NOS2: variants seen among roughly 807,000 people sequenced by gnomAD.
The protein encoded by NOS2 is nitric oxide synthase 2, also known as nitric oxide synthase, inducible.
A neutral mutation model predicts 136.0 loss-of-function variants in NOS2; 96 were observed. The ratio of observed to expected loss-of-function variants is 0.71; its 90% CI spans 0.60 to 0.84. The LOEUF (loss-of-function observed/expected upper bound fraction) is 0.84, where lower values mean the gene tolerates loss of function less well. NOS2 is among the 40% of genes least tolerant of loss of function. NOS2 has a pLI of 0.00. For missense variants in NOS2, 1,237 were observed against 1,496.9 expected (o/e 0.83, Z 2.87); for synonymous variants, 539 against 587.5 (o/e 0.92, Z 1.20).
intron 2 of NOS2, among the ~76,000 whole-genome samples, chr17:27,791,223 G>T (rs1214218323): frequency 6.6e-6 from 1 of 152,150 alleles, no homozygotes; most frequent in Non-Finnish European, 1.5e-5. Context: ...ACCCTGTAAA[G>T]GGCCTTCCAT....
At chr17:27,773,659 G>A (rs1908570696) in intron 12 of NOS2, among the ~76,000 whole-genome samples, 1 of 152,178 alleles carries the variant, frequency 6.6e-6, no homozygotes. Flanking sequence ...GTGAGGTCCT[G>A]TAGATGGAGG....
Position 27,772,664 on chromosome 17 carries a change from GAGA to G in NOS2, c.1560-215_1560-213del, listed in dbSNP as rs551620298. On this transcript the variant is annotated intron_variant, in intron 13 of 26. Transcript: ENST00000313735. ...GGCCCCTTTGGGAAAAGGGAGGAGA[GAGA>G]AGGTTGGAACAATGGCAGCAGGGGA... is the stretch of plus-strand genomic sequence containing the variant. Among the ~76,000 whole-genome samples the G allele has an allele frequency of 3.9e-5, 6 of 152,318 alleles. No individual in the cohort carries two copies. In the South Asian group the frequency reaches 1.2e-3, roughly 32 times the overall value.
intron 2 of NOS2, among the ~76,000 whole-genome samples, chr17:27,793,014 G>A (rs1313426192): frequency 6.6e-6 from 1 of 151,938 alleles, no homozygotes; most frequent in Non-Finnish European, 1.5e-5. Context: ...GGGGAGTGCT[G>A]TGAGTGTGGT....
chr17:27,774,570 G>A, intron 11 of NOS2, 119 bp from the exon 12 acceptor site: 3 of 630,358 alleles, frequency 4.8e-6, no homozygotes, highest in Non-Finnish European at 5.0e-6. Context: ...TAACACGGGA[G>A]AGCAACTCCT....
chr17:27,763,068 C>G, intron 21 of NOS2, 63 bp from the exon 22 acceptor site: 1 of 1,063,584 alleles, frequency 9.4e-7, no homozygotes, highest in South Asian at 1.6e-5. Context: ...AAAAGACTGT[C>G]ACAACCCAGT....
At chr17:27,776,617 G>A (rs1302552520) in intron 11 of NOS2, among the ~76,000 whole-genome samples, 1 of 142,126 alleles carries the variant, frequency 7.0e-6, no homozygotes, top group Non-Finnish European at 1.5e-5. Flanking sequence ...AGGTTGCAGT[G>A]AGCCGAGATC....
rs1008583444 is a variant in NOS2, at chr17:27,789,416, T to G, written c.195+188A>C. On this transcript the variant is annotated intron_variant, in intron 3 of 26. Coordinates refer to ENST00000313735, the MANE Select transcript of NOS2 (RefSeq NM_000625.4). ...GCCACCACTCCCGACCACTGGGGGT[T>G]GTCTCACTCTCCCAAAGCCCTTCCT... is the stretch of plus-strand genomic sequence containing the variant. Among the ~76,000 whole-genome samples, 5 of 152,148 alleles carry G rather than the reference T, an allele frequency of 3.3e-5. No individual in the cohort carries two copies. In the East Asian group the frequency reaches 9.6e-4, roughly 29 times the overall value.
At chr17:27,778,060 A>T (rs1908714902) in intron 11 of NOS2, among the ~76,000 whole-genome samples, 1 of 151,984 alleles carries the variant, frequency 6.6e-6, no homozygotes, top group South Asian at 2.1e-4. Flanking sequence ...AAAAGAAAGA[A>T]GAAAGTCGAT....
chr17:27,773,629 G>A (rs567860533), intron 12 of NOS2, among the ~76,000 whole-genome samples: 1 of 152,124 alleles, frequency 6.6e-6, no homozygotes, highest in African/African-American at 2.4e-5. Context: ...AAGACTCCAG[G>A]ACATGCCGTC....
At chr17:27,779,547 A>G (rs1358186504) in intron 9 of NOS2, among the ~76,000 whole-genome samples, 1 of 152,086 alleles carries the variant, frequency 6.6e-6, no homozygotes, top group Admixed American at 6.5e-5. Context: ...CCTTTCCAAG[A>G]GTTGATTCTG....
intron 5 of NOS2, among the ~76,000 whole-genome samples, chr17:27,785,053 C>T (rs1469899926): frequency 6.6e-6 from 1 of 152,154 alleles, no homozygotes; most frequent in Admixed American, 6.5e-5. Context: ...GAGTTGGGAA[C>T]CTGCAAGGCC....
In NOS2 at chr17:27,774,412, C is replaced by G; in HGVS notation, c.1321G>C (p.Glu441Gln). ...TTCTGCATGTACTTCATGAAGGATT[C>G]TGCAGCCGAGTGGTGGTCCATGATG... ...VTIMDHHSAA[E>Q]SFMKYMQNEY... Residue 441 changes from glutamate (E) to glutamine (Q), a missense_variant, in exon 12 of 27, where the codon GAA becomes CAA. Physicochemically the swap from Glu to Gln is conservative, Grantham distance 29 (BLOSUM62 2). Transcript: ENST00000313735. 2 of 1,540,332 alleles carry G rather than the reference C, an allele frequency of 1.3e-6. No individual in the cohort carries two copies. The highest frequency in any genetic ancestry group is 8.7e-7 in the Non-Finnish European group (1 of 1,143,028).
chr17:27,776,098 T>A (rs1304370184), intron 11 of NOS2, among the ~76,000 whole-genome samples: 1 of 151,680 alleles, frequency 6.6e-6, no homozygotes, highest in Non-Finnish European at 1.5e-5. Flanking sequence ...CCAGGGTGAG[T>A]TGGCGAATTT....
intron 6 of NOS2, among the ~76,000 whole-genome samples, chr17:27,782,308 C>T (rs879516175): frequency 2.0e-5 from 3 of 152,204 alleles, no homozygotes; most frequent in East Asian, 1.9e-4. Flanking sequence ...TCTGCACCAC[C>T]GCTCCCATTT....
chr17:27,774,631 G>A (rs1403010770), intron 11 of NOS2, among the ~76,000 whole-genome samples, 180 bp from the exon 12 acceptor site: 1 of 152,166 alleles, frequency 6.6e-6, no homozygotes, highest in Admixed American at 6.5e-5. Flanking sequence ...AGGCGCTTGT[G>A]GAGCCTCTGA....
In NOS2 at chr17:27,775,957, G is replaced by C. The variant is rs1908645633; in HGVS notation, c.1282-1506C>G. ...AAGACACAGCCCTTTCTCTGCATTA[G>C]AGTCTAGTCTAACTGGGTGGGGAAG... On this transcript the variant is annotated intron_variant, in intron 11 of 26. Coordinates refer to ENST00000313735, the MANE Select transcript of NOS2 (RefSeq NM_000625.4). Among the ~76,000 whole-genome samples the C allele has an allele frequency of 3.9e-5, 6 of 152,204 alleles. No homozygotes were observed. The South Asian group carries it at 1.2e-3, about 31-fold the overall frequency.
chr17:27,792,995 C>T (rs980304167), intron 2 of NOS2, among the ~76,000 whole-genome samples: 4 of 151,646 alleles, frequency 2.6e-5, no homozygotes, highest in African/African-American at 9.7e-5. Context: ...AAAAAGGGGT[C>T]GGGGGCGTGG....
At chr17:27,770,740 T>C (rs1908464207) in intron 15 of NOS2, among the ~76,000 whole-genome samples, 173 bp downstream of exon 15, 1 of 152,160 alleles carries the variant, frequency 6.6e-6, no homozygotes, top group African/African-American at 2.4e-5. Context: ...AAGGTGGCAC[T>C]CCCATATGGC....
rs529628203 is a variant in NOS2 at position 27,759,932 on chromosome 17, G to A, written c.3159+98C>T. On this transcript the variant is annotated intron_variant, in intron 25 of 26. Coordinates refer to ENST00000313735, the MANE Select transcript of NOS2 (RefSeq NM_000625.4). ...GAATTACCAGCATTTTCGAGCTCAG[G>A]AGGTGAAGGCTCGGGGAGGCGAGGG... 225 of 1,222,128 alleles carry A rather than the reference G, an allele frequency of 1.8e-4. 1 individual carries two copies. In the African/African-American group the frequency reaches 2.8e-3, roughly 15 times the overall value. The allele number at this position is 1,222,128 out of a possible 1,614,324, so 75.7% of individuals were successfully genotyped here.
Sources: allele counts gnomAD v4.1 joint callset (sites outside exome capture counted in the v4.1 genomes callset), GRCh38; gene constraint gnomAD v4.1.1; transcripts MANE v1.5; gene names NCBI Gene and HGNC (gene_info 2026-07-23, HGNC 2026-07-21).